KIAA1217: variants seen among roughly 807,000 people sequenced by gnomAD.
The protein encoded by KIAA1217 is KIAA1217.
KIAA1217 carries 88 observed loss-of-function variants against 163.9 expected under a neutral mutation model. That is an observed-to-expected ratio of 0.54 (90% CI 0.45 to 0.64). The LOEUF is 0.64. Among genes scored for constraint, KIAA1217 ranks in the 30% least tolerant of loss-of-function variants. The pLI, the probability that KIAA1217 is intolerant of heterozygous loss-of-function variation, is 0.00. For synonymous variants in KIAA1217, 903 were observed against 923.1 expected (o/e 0.98, Z 0.39); for missense variants, 2,372 against 2,475.0 (o/e 0.96, Z 0.88).
In KIAA1217 at chr10:23,935,630, A is replaced by G. The variant is rs553827452; in HGVS notation, c.-320-71595A>G. Among the ~76,000 whole-genome samples the G allele has an allele frequency of 9.9e-5, 15 of 152,058 alleles. No homozygotes were observed. The South Asian group carries it at 1.9e-3, about 19-fold the overall frequency. ...GCAAGGGAAGTGAGACTTCAGAGAC[A>G]GTATCTGTGGTATTGATAAAACAAA... On this transcript the variant is annotated intron_variant, in intron 1 of 18. Coordinates refer to the KIAA1217 transcript ENST00000376462.
rs1015736820 is a variant in KIAA1217, at chr10:24,196,200, A to T, written c.-170-23426A>T. ...CCCTCACAAGTTGGAGCATACTTAC[A>T]TTAAAGGCTTTATTGTTACCTGATT... On this transcript the variant is annotated intron_variant, in intron 2 of 18. Coordinates refer to the KIAA1217 transcript ENST00000376462. 2.6e-5 allele frequency among the ~76,000 whole-genome samples: 4 copies of T among 151,646 alleles called. No homozygotes were observed. The East Asian group carries it at 7.8e-4, about 30-fold the overall frequency.
chr10:24,054,511 G>A (rs1177952974), intron 2 of KIAA1217, among the ~76,000 whole-genome samples: 1 of 152,152 alleles, frequency 6.6e-6, no homozygotes, highest in Admixed American at 6.6e-5. Flanking sequence ...AAAGTATTAA[G>A]CCTTGTGTGC....
chr10:23,921,905 TGGAATCCTAGTAGTG>T (rs1842859135), intron 1 of KIAA1217, among the ~76,000 whole-genome samples: 1 of 152,144 alleles, frequency 6.6e-6, no homozygotes, highest in African/African-American at 2.4e-5. Flanking sequence ...GTAAGACCCT[TGGAATCCTAGTAGTG>T]ATAAATGTGT....
At chr10:23,903,537 G>C (rs907365805) in intron 1 of KIAA1217, among the ~76,000 whole-genome samples, 4 of 152,062 alleles carry the variant, frequency 2.6e-5, no homozygotes, top group Non-Finnish European at 4.4e-5. Context: ...GGACAAAAAG[G>C]GGTAAGATCT....
chr10:24,117,119 C>A (rs1286638669), intron 2 of KIAA1217, among the ~76,000 whole-genome samples: 1 of 151,970 alleles, frequency 6.6e-6, no homozygotes, highest in Non-Finnish European at 1.5e-5. Flanking sequence ...CTCACCGCAA[C>A]CTCCACCTCC....
intron 2 of KIAA1217, among the ~76,000 whole-genome samples, chr10:24,157,536 A>G (rs1051645128): frequency 1.2e-4 from 18 of 152,290 alleles, no homozygotes; most frequent in African/African-American, 4.1e-4. Flanking sequence ...TGGTTTTGGC[A>G]TCATATCTAG....
intron 2 of KIAA1217, among the ~76,000 whole-genome samples, chr10:24,069,674 A>T (rs1225413574): frequency 2.0e-5 from 3 of 152,206 alleles, no homozygotes; most frequent in African/African-American, 7.2e-5. Context: ...CAAAGGGTGC[A>T]GGAGCCTCTA....
intron 1 of KIAA1217, among the ~76,000 whole-genome samples, chr10:23,758,690 T>A (rs1218668518): frequency 7.1e-6 from 1 of 140,388 alleles, no homozygotes; most frequent in Non-Finnish European, 1.5e-5. Context: ...TTCTTTCTTT[T>A]TTTTTTTTTT....
At chr10:24,521,105 G>A (rs1214956858) in intron 11 of KIAA1217, among the ~76,000 whole-genome samples, 12 of 149,006 alleles carry the variant, frequency 8.1e-5, no homozygotes, top group Non-Finnish European at 1.3e-4. Flanking sequence ...AGGCTGAGGC[G>A]GGCAGATCAC....
chr10:24,323,446 C>G (rs536187714), intron 2 of KIAA1217, among the ~76,000 whole-genome samples: 10 of 152,296 alleles, frequency 6.6e-5, no homozygotes, highest in Admixed American at 2.0e-4. Context: ...ATGAGGCATC[C>G]CTGAAAGGGA....
At chr10:23,831,667 T>TA (rs1466012283) in intron 1 of KIAA1217, among the ~76,000 whole-genome samples, 2 of 152,142 alleles carry the variant, frequency 1.3e-5, no homozygotes, top group Admixed American at 1.3e-4. Context: ...ATAAAATAAA[T>TA]ATCTCCTCCC....
At chr10:23,894,621 A>T (rs1477933702) in intron 1 of KIAA1217, among the ~76,000 whole-genome samples, 1 of 150,526 alleles carries the variant, frequency 6.6e-6, no homozygotes, top group Non-Finnish European at 1.5e-5. Flanking sequence ...GACTTTCTTC[A>T]CAGAATTGGA....
intron 1 of KIAA1217, among the ~76,000 whole-genome samples, chr10:23,705,492 A>T (rs1312139354): frequency 6.6e-6 from 1 of 152,166 alleles, no homozygotes. Flanking sequence ...TGTCCCAGCA[A>T]CATTTGTGAA....
intron 1 of KIAA1217, among the ~76,000 whole-genome samples, chr10:23,862,001 G>A (rs1839975464): frequency 6.6e-6 from 1 of 152,318 alleles, no homozygotes; most frequent in African/African-American, 2.4e-5. Context: ...GTAGGAAGCT[G>A]TGACCAGAGT....
rs371441989 is a variant in KIAA1217, at chr10:23,968,144, ATG to A, written c.-320-39067_-320-39066del. Reference sequence around the variant, plus strand: ...CCCAACAGAATACCAAAGTATGCATATGTGTGTGTGTGTGTATATTTATAAAT... The same window carrying A: ...CCCAACAGAATACCAAAGTATGCATATGTGTGTGTGTGTATATTTATAAAT... On this transcript the variant is annotated intron_variant, in intron 1 of 18. Transcript: ENST00000376462. 7.9e-3 allele frequency among the ~76,000 whole-genome samples: 1,178 copies of A among 148,826 alleles called. 6 individuals are homozygous for A. Among genetic ancestry groups the A allele is most frequent in the Non-Finnish European group, 0.012 (795 of 66,958 alleles).
intron 2 of KIAA1217, among the ~76,000 whole-genome samples, chr10:24,022,383 T>A (rs1847771222): frequency 6.6e-6 from 1 of 151,582 alleles, no homozygotes; most frequent in South Asian, 2.1e-4. Flanking sequence ...CATTAGGAAA[T>A]TACACATTAA....
chr10:24,084,588 T>G (rs765815313), intron 2 of KIAA1217, among the ~76,000 whole-genome samples: 1 of 152,098 alleles, frequency 6.6e-6, no homozygotes, highest in Non-Finnish European at 1.5e-5. Flanking sequence ...TACTATTATT[T>G]TAGAGACTGG....
chr10:23,961,423 T>C (rs552154396), intron 1 of KIAA1217, among the ~76,000 whole-genome samples: 3 of 152,256 alleles, frequency 2.0e-5, no homozygotes, highest in Non-Finnish European at 2.9e-5. Flanking sequence ...CATTTCTAAA[T>C]AAAATGATTA....
At chr10:23,982,560 TC>T (rs1845815714) in intron 1 of KIAA1217, among the ~76,000 whole-genome samples, 1 of 145,884 alleles carries the variant, frequency 6.9e-6, no homozygotes, top group Non-Finnish European at 1.5e-5. Flanking sequence ...TCTCTCTCTC[TC>T]TCTCTCTCTC....
Sources: allele counts gnomAD v4.1 joint callset (sites outside exome capture counted in the v4.1 genomes callset), GRCh38; gene constraint gnomAD v4.1.1; transcripts MANE v1.5; gene names NCBI Gene and HGNC (gene_info 2026-07-23, HGNC 2026-07-21).